The following TTF1 variants were observed in gnomAD, a reference collection of about 807,000 sequenced individuals.
TTF1 encodes transcription termination factor 1.
In TTF1, 64 loss-of-function variants were observed where a neutral mutation model predicts 80.2. That is an observed-to-expected ratio of 0.80 (90% CI 0.65 to 0.98). The LOEUF (loss-of-function observed/expected upper bound fraction) is 0.98, where lower values mean the gene tolerates loss of function less well. Among genes scored for constraint, TTF1 ranks in the 50% least tolerant of loss-of-function variants. The probability of loss-of-function intolerance (pLI) is 0.00; values close to 1 mark genes in which losing one functional copy is unlikely to be tolerated. For synonymous variants in TTF1, 372 were observed against 382.7 expected, an observed-to-expected ratio of 0.97 and a Z score of 0.33; for missense variants, 1,023 against 1,086.2, an observed-to-expected ratio of 0.94 and a Z score of 0.82.
chr9:132,381,898 T>C (rs1849377202), intron 9 of TTF1, among the ~76,000 whole-genome samples: 1 of 152,182 alleles, frequency 6.6e-6, no homozygotes, highest in Non-Finnish European at 1.5e-5. Context: ...AATGGACCAA[T>C]GGCGACCTCA....
intron 1 of TTF1, among the ~76,000 whole-genome samples, chr9:132,403,103 C>T (rs924946920): frequency 3.3e-5 from 5 of 152,170 alleles, no homozygotes; most frequent in African/African-American, 1.2e-4. Context: ...TCATGATCCG[C>T]CCACTCCAGC....
rs370830521 is a variant in TTF1, at chr9:132,377,718, ATG to A, written c.2464+1339_2464+1340del. ...GAGTGCATGTGGTGTGTGTGAGTGC[ATG>A]TGTGTGTGAGTGCATGTGGTGTGAG... On this transcript the variant is annotated intron_variant, in intron 10 of 10. Coordinates refer to ENST00000334270, the MANE Select transcript of TTF1 (RefSeq NM_007344.4). Among the ~76,000 whole-genome samples, 10 of 66,976 alleles carry A rather than the reference ATG, an allele frequency of 1.5e-4. No homozygotes were observed. The East Asian group carries it at 1.7e-3, about 11-fold the overall frequency. The allele number at this position is 66,976 out of a possible 152,430, so 43.9% of individuals were successfully genotyped here. A position where few individuals can be genotyped will look rare whatever the true frequency, so the allele number is the denominator to read the frequency against.
intron 4 of TTF1, among the ~76,000 whole-genome samples, chr9:132,397,162 G>A (rs1409667084): frequency 6.6e-6 from 1 of 152,216 alleles, no homozygotes; most frequent in Non-Finnish European, 1.5e-5. Flanking sequence ...GAATCCTTAA[G>A]AGGCAAAGTA....
chr9:132,379,214 A>G, intron 9 of TTF1, 70 bp from the exon 10 acceptor site: 3 of 1,126,232 alleles, frequency 2.7e-6, no homozygotes, highest in Non-Finnish European at 3.8e-6. Context: ...ACAGTGTAGT[A>G]AGTACATTTA....
At chr9:132,391,877 G>C (rs1166180920) in intron 6 of TTF1, among the ~76,000 whole-genome samples, 199 bp downstream of exon 6, 1 of 152,228 alleles carries the variant, frequency 6.6e-6, no homozygotes, top group Non-Finnish European at 1.5e-5. Context: ...GTAAAAACCA[G>C]CCTAGTGGGT....
intron 8 of TTF1, among the ~76,000 whole-genome samples, chr9:132,387,188 G>A (rs1849484107): frequency 6.6e-6 from 1 of 152,040 alleles, no homozygotes; most frequent in South Asian, 2.1e-4. Context: ...CAAACTCCTG[G>A]GCTCCTCCTG....
chr9:132,382,030 C>T (rs187078998), intron 9 of TTF1, among the ~76,000 whole-genome samples: 2 of 152,314 alleles, frequency 1.3e-5, no homozygotes, highest in Admixed American at 6.5e-5. Flanking sequence ...CACTGATCCC[C>T]GAGCCCCATG....
In TTF1 at chr9:132,402,166, G is replaced by C. The variant is rs370837551; in HGVS notation, c.656C>G (p.Ser219Cys). The C allele has an allele frequency of 6.2e-7, 1 of 1,613,682 alleles. No homozygotes were observed. The highest frequency in any genetic ancestry group is 1.3e-5 in the African/African-American group (1 of 74,790). ...ELPASAHKNK[S>C]KKKKKKSSNR... The stretch of plus-strand genomic sequence containing the variant: ...ACTGGACTTTTTCTTTTTTTTCTTA[G>C]ACTTGTTTTTATGAGCAGATGCTGG... Residue 219 changes from serine (S) to cysteine (C), a missense_variant, in exon 2 of 11, where the codon TCT (serine) becomes TGT (cysteine). By Grantham distance (112) the Ser-to-Cys change is moderately radical (BLOSUM62 -1). Transcript: ENST00000334270.
intron 3 of TTF1, 92 bp downstream of exon 3, chr9:132,399,943 C>T (rs1367088220): frequency 2.3e-5 from 30 of 1,315,572 alleles, no homozygotes; most frequent in Non-Finnish European, 2.2e-5. Flanking sequence ...TGCTTCTTGT[C>T]GATCTATAAA....
At chr9:132,396,839 T>C (rs1263229611) in intron 4 of TTF1, among the ~76,000 whole-genome samples, 1 of 152,016 alleles carries the variant, frequency 6.6e-6, no homozygotes, top group Non-Finnish European at 1.5e-5. Flanking sequence ...AGCTGGTTTT[T>C]ATATTTTTAG....
intron 9 of TTF1, among the ~76,000 whole-genome samples, chr9:132,383,232 G>T (rs985111574): frequency 2.3e-5 from 3 of 132,820 alleles, no homozygotes; most frequent in Non-Finnish European, 4.7e-5. Flanking sequence ...CTGGGCAACA[G>T]AGTAAGACTC....
At chr9:132,396,643 C>T in intron 4 of TTF1, 132 bp from the exon 5 acceptor site, 1 of 712,456 alleles carries the variant, frequency 1.4e-6, no homozygotes, top group Admixed American at 2.7e-5. Flanking sequence ...TTTCCTACGT[C>T]CTGAAGAAAG....
chr9:132,388,703 G>T lies in TTF1; in HGVS notation c.2223-475C>A, dbSNP rs116977743. On this transcript the variant is annotated intron_variant, in intron 7 of 10. Transcript: ENST00000334270. ...TGCTCTTATTACCATTACCAGCCTT[G>T]GAACATCAAATAAGACAAATTTAGT... Among the ~76,000 whole-genome samples the T allele has an allele frequency of 3.1e-4, 47 of 152,172 alleles. 1 individual carries two copies. In the East Asian group the frequency reaches 9.1e-3, roughly 29 times the overall value.
intron 4 of TTF1, among the ~76,000 whole-genome samples, 163 bp from the exon 5 acceptor site, chr9:132,396,674 GT>G (rs5900975): frequency 0.75 from 105,398 of 140,100 alleles, 40,225 homozygotes; most frequent in Non-Finnish European, 0.85. Context: ...TTTTTTGTTT[GT>G]TTTTTTTTTT....
chr9:132,379,313 G>A, intron 9 of TTF1, 169 bp from the exon 10 acceptor site: 1 of 469,148 alleles, frequency 2.1e-6, no homozygotes, highest in Non-Finnish European at 3.7e-6. Context: ...TGTGGAATAT[G>A]GAAAGCTATT....
intron 4 of TTF1, 63 bp downstream of exon 4, chr9:132,398,077 TG>T (rs1849686280): frequency 1.4e-6 from 2 of 1,402,538 alleles, no homozygotes. Flanking sequence ...ACACTTACCA[TG>T]GGTTATCTTG....
At chr9:132,393,344 C>A (rs1005350314) in intron 5 of TTF1, among the ~76,000 whole-genome samples, 2 of 151,066 alleles carry the variant, frequency 1.3e-5, no homozygotes, top group Non-Finnish European at 3.0e-5. Flanking sequence ...AATGCTCACG[C>A]TGGAAGGTTG....
chr9:132,404,222 T>C (rs542969082), intron 1 of TTF1, among the ~76,000 whole-genome samples: 1 of 152,346 alleles, frequency 6.6e-6, no homozygotes, highest in African/African-American at 2.4e-5. Flanking sequence ...CCTAACAACA[T>C]AGATCCTGGA....
At chr9:132,385,056 T>C (rs962690009) in intron 9 of TTF1, among the ~76,000 whole-genome samples, 1 of 152,234 alleles carries the variant, frequency 6.6e-6, no homozygotes, top group African/African-American at 2.4e-5. Flanking sequence ...GGGTGGGGCA[T>C]GATATTCAGT....
Sources: gnomAD v4.1 joint callset for allele counts (sites outside exome capture counted in the v4.1 genomes callset) on GRCh38, gnomAD v4.1.1 for gene constraint, MANE v1.5 for transcripts, NCBI Gene and HGNC (gene_info 2026-07-23, HGNC 2026-07-21) for gene names.